CALCRL: variants seen among roughly 807,000 people sequenced by gnomAD.
CALCRL encodes the protein calcitonin gene-related peptide type 1 receptor.
CALCRL carries 27 observed loss-of-function variants against 60.4 expected under a neutral mutation model. The observed-to-expected ratio is 0.45, with a 90% confidence interval of 0.33 to 0.62. The LOEUF (loss-of-function observed/expected upper bound fraction) is 0.62, where lower values mean the gene tolerates loss of function less well. Among genes scored for constraint, CALCRL ranks in the 20% least tolerant of loss-of-function variants. The probability of loss-of-function intolerance (pLI) is 0.03; values close to 1 mark genes in which losing one functional copy is unlikely to be tolerated. For synonymous variants in CALCRL, 190 were observed against 182.6 expected (o/e 1.04, Z -0.33); for missense variants, 424 against 540.7 (o/e 0.78, Z 2.14).
In CALCRL at chr2:187,359,132, A is replaced by T. The variant is rs373453688; in HGVS notation, c.843-3T>A. 2 of 1,611,910 alleles carry T rather than the reference A, an allele frequency of 1.2e-6. No individual in the cohort carries two copies. The highest frequency in any genetic ancestry group is 1.7e-6 in the Non-Finnish European group (2 of 1,178,304). ...GGGTATCAGAACTGATCCAGCAACT[A>T]GAGAAAACATAATAACATTATGTTG... On this transcript the variant is annotated splice_region_variant and splice_polypyrimidine_tract_variant and intron_variant, in intron 11 of 14. Coordinates refer to ENST00000392370, the MANE Select transcript of CALCRL (RefSeq NM_005795.6).
chr2:187,383,355 A>T (rs1688060214), intron 4 of CALCRL, 50 bp from the exon 5 acceptor site: 2 of 1,509,616 alleles, frequency 1.3e-6, no homozygotes, highest in East Asian at 4.7e-5. Flanking sequence ...AGGATTATGA[A>T]AATGTGTTTG....
chr2:187,420,717 G>A (rs1476767469), intron 1 of CALCRL, among the ~76,000 whole-genome samples: 1 of 152,168 alleles, frequency 6.6e-6, no homozygotes, highest in African/African-American at 2.4e-5. Flanking sequence ...GAGTAGAGGT[G>A]TAGGGAACAC....
At position 187,387,749 on chromosome 2, in the gene CALCRL, G is replaced by A. The variant is rs1047074249; in HGVS notation, c.-285C>T. On this transcript the variant is annotated 5_prime_UTR_variant, in exon 2 of 15. Transcript: ENST00000392370. ...CTTTAAGAATTTCTTAAATTCAGGG[G>A]TCAAGACCTGAAATATTGATGAATG... 4 of 396,594 alleles carry A rather than the reference G, an allele frequency of 1.0e-5. No individual in the cohort carries two copies. The highest frequency in any genetic ancestry group is 1.8e-5 in the Non-Finnish European group (4 of 224,990). The allele number at this position is 396,594 out of a possible 1,614,324, so 24.6% of individuals were successfully genotyped here. A position where few individuals can be genotyped will look rare whatever the true frequency, so the allele number is the denominator to read the frequency against.
chr2:187,356,520 G>T (rs1037315789), intron 12 of CALCRL, among the ~76,000 whole-genome samples: 2 of 152,148 alleles, frequency 1.3e-5, no homozygotes, highest in African/African-American at 4.8e-5. Context: ...ATGCATGAAA[G>T]ACTTAAAAGT....
At chr2:187,419,202 C>T (rs537130603) in intron 1 of CALCRL, among the ~76,000 whole-genome samples, 1 of 151,710 alleles carries the variant, frequency 6.6e-6, no homozygotes, top group Admixed American at 6.6e-5. Flanking sequence ...TGTCTGCCCC[C>T]AAATTATATA....
intron 1 of CALCRL, among the ~76,000 whole-genome samples, chr2:187,425,314 A>G (rs1216509636): frequency 6.6e-6 from 1 of 152,000 alleles, no homozygotes; most frequent in Non-Finnish European, 1.5e-5. Context: ...GCTAATAGTC[A>G]TGTCACAAAT....
chr2:187,352,248 T>G lies in CALCRL; in HGVS notation c.994A>C (p.Met332Leu). The change falls in exon 13 of 15, where the codon ATG becomes CTG. Residue 332 changes from methionine (M) to leucine (L), a missense_variant. Met to Leu is a conservative substitution (Grantham distance 15). This residue lies in a region of CALCRL where 222 missense variants were observed against 265.6 expected (regional missense o/e 0.84). Transcript: ENST00000392370. Reference sequence around the variant, plus strand: ...ATAAGAGTAGCTCTCACAGCTTTCATGTACAGATTGGATTCCGCTTGGTGT... The same window carrying G: ...ATAAGAGTAGCTCTCACAGCTTTCAGGTACAGATTGGATTCCGCTTGGTGT... ...VTHQAESNLYMKAVRATLILV... is the reference protein window; with the variant it reads ...VTHQAESNLYLKAVRATLILV... 1 of 1,612,286 alleles carries G rather than the reference T, an allele frequency of 6.2e-7. No homozygotes were observed. Among genetic ancestry groups the G allele is most frequent in the Non-Finnish European group, 8.5e-7 (1 of 1,178,838 alleles).
At chr2:187,377,751 CCTA>C (rs1350273200) in intron 8 of CALCRL, among the ~76,000 whole-genome samples, 2 of 151,878 alleles carry the variant, frequency 1.3e-5, no homozygotes, top group Non-Finnish European at 2.9e-5. Flanking sequence ...CTTTTGTACA[CCTA>C]CTAAATGAAA....
intron 12 of CALCRL, among the ~76,000 whole-genome samples, chr2:187,357,801 TA>T (rs1313172270): frequency 6.9e-4 from 90 of 130,350 alleles, no homozygotes; most frequent in Middle Eastern, 4.1e-3. Context: ...ATAATAATAA[TA>T]AAAACAACAA....
chr2:187,380,381 C>G, intron 7 of CALCRL, 86 bp downstream of exon 7: 1 of 713,524 alleles, frequency 1.4e-6, no homozygotes, highest in South Asian at 1.9e-5. Flanking sequence ...GGAATAATGA[C>G]TTTATTTTCT....
chr2:187,442,256 T>A (rs1690955411), intron 1 of CALCRL, among the ~76,000 whole-genome samples: 1 of 150,950 alleles, frequency 6.6e-6, no homozygotes, highest in African/African-American at 2.4e-5. Flanking sequence ...GTGAATTACC[T>A]GCAACATGGG....
At chr2:187,412,183 G>A (rs567926742) in intron 1 of CALCRL, among the ~76,000 whole-genome samples, 1 of 152,172 alleles carries the variant, frequency 6.6e-6, no homozygotes, top group East Asian at 1.9e-4. Context: ...GTCTGCGTGA[G>A]ATACTGCTCT....
At chr2:187,415,808 G>A (rs1182287956) in intron 1 of CALCRL, 2 of 430,504 alleles carry the variant, frequency 4.6e-6, no homozygotes, top group Non-Finnish European at 8.5e-6. Context: ...TACACCAACA[G>A]GGTGGTGGAT....
chr2:187,370,283 T>C (rs1285032961), intron 8 of CALCRL, among the ~76,000 whole-genome samples: 1 of 152,150 alleles, frequency 6.6e-6, no homozygotes. Context: ...TCTGTGGGTA[T>C]GATCGAGAAA....
chr2:187,385,503 G>A (rs1688168018), intron 4 of CALCRL, 42 bp downstream of exon 4: 1 of 978,002 alleles, frequency 1.0e-6, no homozygotes. Flanking sequence ...TAGGTATACT[G>A]GAAGCAATAA....
chr2:187,388,401 A>G (rs1428448437), intron 1 of CALCRL, among the ~76,000 whole-genome samples: 1 of 152,108 alleles, frequency 6.6e-6, no homozygotes, highest in East Asian at 1.9e-4. Flanking sequence ...ATGATAATTT[A>G]CTAGGATTTC....
chr2:187,380,690 G>T lies in CALCRL; in HGVS notation c.282C>A (p.Asp94Glu). The stretch of plus-strand genomic sequence containing the variant: ...TTCTGCTTTTACCTGATGGATCAAA[G>T]TCCTGAAAGTAATCAGGGCAGAGCT... The part of the protein sequence containing the change: ...SMQLCPDYFQ[D>E]FDPSEKVTKI... The change falls in exon 6 of 15, where the codon GAC (aspartate) becomes GAA (glutamate). Residue 94 changes from aspartate (D) to glutamate (E), a missense_variant. Asp to Glu is a conservative substitution (Grantham distance 45). Around this residue, in one of 7 missense-constraint regions of CALCRL, gnomAD observed 108 missense variants for 132.9 expected, o/e 0.81. Coordinates refer to ENST00000392370, the MANE Select transcript of CALCRL (RefSeq NM_005795.6). The T allele has an allele frequency of 1.9e-6, 3 of 1,613,598 alleles. No individual in the cohort carries two copies. The highest frequency in any genetic ancestry group is 2.5e-6 in the Non-Finnish European group (3 of 1,179,574).
chr2:187,369,118 C>T (rs561172797), intron 8 of CALCRL, among the ~76,000 whole-genome samples: 2 of 152,264 alleles, frequency 1.3e-5, no homozygotes, highest in South Asian at 4.1e-4. Flanking sequence ...TATGCTCCCT[C>T]TTCCCATGCC....
At chr2:187,384,414 G>A (rs1688121551) in intron 4 of CALCRL, among the ~76,000 whole-genome samples, 1 of 152,134 alleles carries the variant, frequency 6.6e-6, no homozygotes, top group African/African-American at 2.4e-5. Flanking sequence ...ACTCTGATTT[G>A]TACACGATCT....
Sources: allele counts gnomAD v4.1 joint callset (sites outside exome capture counted in the v4.1 genomes callset), GRCh38; gene constraint gnomAD v4.1.1; regional missense constraint gnomAD v4.1.1; transcripts MANE v1.5; gene names NCBI Gene and HGNC (gene_info 2026-07-23, HGNC 2026-07-21).